Variants in CCDC7 observed in about 807,000 individuals in gnomAD.
The protein encoded by CCDC7 is coiled-coil domain-containing protein 7.
CCDC7 carries 183 observed loss-of-function variants against 196.9 expected under a neutral mutation model. The observed-to-expected ratio is 0.93, with a 90% confidence interval of 0.82 to 1.05. The LOEUF is 1.05. Among genes scored for constraint, CCDC7 ranks in the 50% least tolerant of loss-of-function variants. The probability of loss-of-function intolerance (pLI) is 0.00; values close to 1 mark genes in which losing one functional copy is unlikely to be tolerated. For synonymous variants in CCDC7, 525 were observed against 484.6 expected (o/e 1.08, Z -1.10); for missense variants, 1,540 against 1,482.2 (o/e 1.04, Z -0.64).
intron 21 of CCDC7, among the ~76,000 whole-genome samples, chr10:32,674,152 T>A (rs1018584472): frequency 1.3e-5 from 2 of 151,870 alleles, no homozygotes; most frequent in Non-Finnish European, 2.9e-5. Context: ...TGGCTTTAGT[T>A]TCTTATTTTT....
intron 18 of CCDC7, among the ~76,000 whole-genome samples, chr10:32,633,264 C>A (rs2065135251): frequency 6.6e-6 from 1 of 152,176 alleles, no homozygotes; most frequent in Admixed American, 6.5e-5. Context: ...CTTATGTACA[C>A]AAACATGCAT....
chr10:32,722,212 G>C (rs1198038899), intron 25 of CCDC7, among the ~76,000 whole-genome samples: 1 of 152,058 alleles, frequency 6.6e-6, no homozygotes, highest in African/African-American at 2.4e-5. Context: ...GCTCTAACTA[G>C]AGCAATTTTC....
intron 25 of CCDC7, among the ~76,000 whole-genome samples, chr10:32,714,775 G>T (rs1470023137): frequency 2.0e-5 from 3 of 152,190 alleles, no homozygotes; most frequent in South Asian, 2.1e-4. Context: ...AAACAAAGCT[G>T]CTGGGAAGTT....
intron 28 of CCDC7, among the ~76,000 whole-genome samples, chr10:32,776,343 A>G (rs1247198337): frequency 6.6e-6 from 1 of 151,966 alleles, no homozygotes; most frequent in African/African-American, 2.4e-5. Context: ...AATATCTGTC[A>G]TGCATTTGTA....
chr10:32,818,610 T>A (rs1238543565), intron 31 of CCDC7, among the ~76,000 whole-genome samples: 1 of 152,176 alleles, frequency 6.6e-6, no homozygotes, highest in African/African-American at 2.4e-5. Flanking sequence ...TCAGCAAATG[T>A]AAAAGCACAG....
At chr10:32,634,660 G>C (rs1444877708) in intron 19 of CCDC7, among the ~76,000 whole-genome samples, 1 of 152,176 alleles carries the variant, frequency 6.6e-6, no homozygotes, top group African/African-American at 2.4e-5. Context: ...CTCCCAAAGT[G>C]CTGGGATTAC....
rs1368074274 is a variant in CCDC7 at position 32,583,308 on chromosome 10, G to A, written c.1728+1G>A. 2.4e-6 allele frequency: 3 copies of A among 1,227,900 alleles called. No homozygotes were observed. The East Asian group carries it at 9.5e-5, about 39-fold the overall frequency. The allele number at this position is 1,227,900 out of a possible 1,614,324, so 76.1% of individuals were successfully genotyped here. ...TCCTGTTCTTACAGAAAGTAAAAAG[G>A]TATGATATATATAGAAACTTGAAAG... On this transcript the variant is annotated splice_donor_variant, in intron 17 of 41. Transcript: ENST00000639629. LOFTEE classifies it high-confidence loss of function.
intron 32 of CCDC7, among the ~76,000 whole-genome samples, chr10:32,828,416 G>GAGAAGGAGAAGGAGAAGA (rs1555179165): frequency 2.0e-5 from 2 of 100,750 alleles, no homozygotes; most frequent in Non-Finnish European, 4.0e-5. Context: ...GAAGGAGAAG[G>GAGAAGGAGAAGGAGAAGA]AGAAGAAGAA....
intron 11 of CCDC7, among the ~76,000 whole-genome samples, chr10:32,532,088 G>T (rs571133534): frequency 6.1e-4 from 92 of 151,954 alleles, no homozygotes; most frequent in Middle Eastern, 6.8e-3. Context: ...TTTTGGGTTT[G>T]ATTTCTTTTT....
At chr10:32,666,070 A>C (rs1424715862) in intron 21 of CCDC7, among the ~76,000 whole-genome samples, 3 of 150,548 alleles carry the variant, frequency 2.0e-5, no homozygotes, top group Non-Finnish European at 4.4e-5. Flanking sequence ...TTATGAATTT[A>C]ATCATTTGGT....
chr10:32,811,000 T>C (rs902970045), intron 30 of CCDC7, among the ~76,000 whole-genome samples: 3 of 151,786 alleles, frequency 2.0e-5, no homozygotes, highest in Admixed American at 2.0e-4. Context: ...TCAAAACCTA[T>C]GGGATATAAC....
intron 41 of CCDC7, among the ~76,000 whole-genome samples, chr10:32,871,090 G>T (rs866219773): frequency 2.5e-4 from 38 of 152,206 alleles, no homozygotes; most frequent in Middle Eastern, 3.4e-3. Flanking sequence ...GCCAGGCTTT[G>T]GTATCAGGAT....
In CCDC7 at chr10:32,853,832, C is replaced by T. The variant is rs1253486397; in HGVS notation, c.4022-568C>T. Reference sequence around the variant, plus strand: ...TTTTTTACTGTCCTGCAAAAAGGCTCATTCTCTGACATTTTTATCTATGAC... The same window carrying T: ...TTTTTTACTGTCCTGCAAAAAGGCTTATTCTCTGACATTTTTATCTATGAC... On this transcript the variant is annotated intron_variant, in intron 40 of 41. Transcript: ENST00000639629. Among the ~76,000 whole-genome samples, 11 of 152,260 alleles carry T rather than the reference C, an allele frequency of 7.2e-5. No homozygotes were observed. In the East Asian group the frequency reaches 2.1e-3, roughly 29 times the overall value.
intron 15 of CCDC7, among the ~76,000 whole-genome samples, chr10:32,571,383 A>T (rs1246020363): frequency 1.3e-5 from 2 of 152,182 alleles, no homozygotes; most frequent in African/African-American, 4.8e-5. Flanking sequence ...TTTAAAATTG[A>T]TAAATTACAA....
At chr10:32,579,011 A>G (rs2058492160) in intron 16 of CCDC7, among the ~76,000 whole-genome samples, 1 of 152,226 alleles carries the variant, frequency 6.6e-6, no homozygotes, top group Non-Finnish European at 1.5e-5. Context: ...TTTGTCCCAC[A>G]TTGAAAATGT....
At chr10:32,648,314 C>CT (rs2068128453) in intron 20 of CCDC7, among the ~76,000 whole-genome samples, 1 of 152,068 alleles carries the variant, frequency 6.6e-6, no homozygotes. Flanking sequence ...TATTTGGGCT[C>CT]TTTTTTGCTT....
chr10:32,732,058 A>AG (rs925994754), intron 28 of CCDC7, among the ~76,000 whole-genome samples: 18 of 152,186 alleles, frequency 1.2e-4, no homozygotes, highest in East Asian at 3.9e-4. Flanking sequence ...CTCAAAAAAA[A>AG]CAAAACAAAA....
At chr10:32,829,785 GCCAA>G (rs2091900739) in intron 32 of CCDC7, among the ~76,000 whole-genome samples, 1 of 152,002 alleles carries the variant, frequency 6.6e-6, no homozygotes, top group Non-Finnish European at 1.5e-5. Flanking sequence ...TGAGGGTGTT[GCCAA>G]AGGGGATTAA....
chr10:32,677,052 C>A (rs1007687687), intron 21 of CCDC7, among the ~76,000 whole-genome samples: 6 of 151,392 alleles, frequency 4.0e-5, no homozygotes, highest in African/African-American at 7.4e-5. Flanking sequence ...ATGATGAGTT[C>A]ATGTCCTTTG....
Sources: allele counts gnomAD v4.1 joint callset (sites outside exome capture counted in the v4.1 genomes callset), GRCh38; gene constraint gnomAD v4.1.1; transcripts MANE v1.5; gene names NCBI Gene and HGNC (gene_info 2026-07-23, HGNC 2026-07-21).